Variants in ABCA7 observed in about 807,000 individuals in gnomAD.
ABCA7 encodes ATP binding cassette subfamily A member 7.
ABCA7 carries 261 observed loss-of-function variants against 227.6 expected under a neutral mutation model. The observed-to-expected ratio is 1.15, with a 90% CI of 1.04 to 1.27. The LOEUF (loss-of-function observed/expected upper bound fraction) is 1.27, where lower values mean the gene tolerates loss of function less well. Among genes scored for constraint, ABCA7 ranks in the 50% most tolerant of loss-of-function variants. ABCA7 has a pLI of 0.00. For missense variants in ABCA7, 3,331 were observed against 2,924.5 expected (o/e 1.14, Z -3.21); for synonymous variants, 1,488 against 1,279.7 (o/e 1.16, Z -3.47).
chr19:1,049,472 C>CGGA (rs1555688306), intron 18 of ABCA7, 35 bp downstream of exon 18: 3 of 787,084 alleles, frequency 3.8e-6, no homozygotes, highest in African/African-American at 3.5e-5. Flanking sequence ...CGTGAGCCCC[C>CGGA]CCACTCCCAC....
intron 40 of ABCA7, among the ~76,000 whole-genome samples, chr19:1,061,062 C>G (rs138760085): frequency 6.6e-6 from 1 of 152,110 alleles, no homozygotes; most frequent in Non-Finnish European, 1.5e-5. Context: ...CTAGCTCCCC[C>G]GGGGCCCCAC....
rs780630099 is a variant in ABCA7 at position 1,058,637 on chromosome 19, A to C, written c.5169A>C (p.Ser1723=). The C allele has an allele frequency of 6.2e-7, 1 of 1,613,664 alleles. No homozygotes were observed. Among genetic ancestry groups the C allele is most frequent in the Non-Finnish European group, 8.5e-7 (1 of 1,179,956 alleles). Residue 1723 remains serine, a synonymous_variant, in exon 38 of 47, where the codon TCA becomes TCC. Transcript: ENST00000263094. ...FERLGDRQFQ[S]PLRWEVVGKN... ...CCACAGGAGACAGGCAGTTCCAGTCACCCCTGCGCTGGGAGGTGGTCGGCA... is the reference window on the plus strand; with the variant it reads ...CCACAGGAGACAGGCAGTTCCAGTCCCCCCTGCGCTGGGAGGTGGTCGGCA...
intron 40 of ABCA7, among the ~76,000 whole-genome samples, chr19:1,061,415 G>A (rs529250264): frequency 0.011 from 1,393 of 131,376 alleles, 26 homozygotes; most frequent in African/African-American, 0.051. Flanking sequence ...AAAAAAAAGA[G>A]GCTGGGTGCC....
chr19:1,047,753 G>A, intron 16 of ABCA7, 99 bp downstream of exon 16: 2 of 1,315,032 alleles, frequency 1.5e-6, no homozygotes, highest in Non-Finnish European at 2.0e-6. Flanking sequence ...GTGGGGGGTG[G>A]CTTATTCCCT....
intron 16 of ABCA7, among the ~76,000 whole-genome samples, 182 bp downstream of exon 16, chr19:1,047,836 G>A (rs980934755): frequency 1.3e-5 from 2 of 152,208 alleles, no homozygotes; most frequent in Non-Finnish European, 2.9e-5. Context: ...TGAGGCAGGT[G>A]GGCGGGGTTT....
At position 1,047,337 on chromosome 19, in the gene ABCA7, G is replaced by A. The variant is rs59851484; in HGVS notation, c.2026G>A (p.Ala676Thr). 6.1e-3 allele frequency: 9,764 copies of A among 1,589,686 alleles called. 560 individuals are homozygous for A. The African/African-American group carries it at 0.12, about 19-fold the overall frequency. Residue 676 changes from alanine to threonine, a missense_variant, in exon 15 of 47, where the codon GCT becomes ACT. Coordinates refer to ENST00000263094, the MANE Select transcript of ABCA7 (RefSeq NM_019112.4). ...SLYLPYVLCV[A>T]WRDRLPAGGR... ...CTACCTGCCCTACGTGCTGTGTGTG[G>A]CTTGGCGGGACCGGCTGCCCGCGGG...
Position 1,055,748 on chromosome 19 carries a change from C to T in ABCA7, c.4206-159C>T, listed in dbSNP as rs894239767. ...AACTCCTGACCTCAGGTGATCCACC[C>T]GCCTTGGCCTCCCAAAGTGTTGGGA... On this transcript the variant is annotated intron_variant, in intron 30 of 46. Transcript: ENST00000263094. Among the ~76,000 whole-genome samples, 69 of 152,118 alleles carry T rather than the reference C, an allele frequency of 4.5e-4. 1 individual carries two copies. The highest frequency in any genetic ancestry group is 5.9e-5 in the Non-Finnish European group (4 of 68,014).
intron 40 of ABCA7, among the ~76,000 whole-genome samples, chr19:1,059,720 C>T (rs1299742421): frequency 6.6e-6 from 1 of 151,846 alleles, no homozygotes; most frequent in East Asian, 1.9e-4. Flanking sequence ...CCTGCCATCA[C>T]GCCTGGCTAA....
In ABCA7 at chr19:1,064,179, G is replaced by A. The variant is rs755819809; in HGVS notation, c.5970G>A (p.Ala1990=). ...LTSHSMEECE[A]LCSRLAIMVN... ...CCGACAGCATGGAGGAGTGTGAAGC[G>A]CTCTGCTCGCGCCTGGCCATCATGG... The change falls in exon 45 of 47, where the codon GCG becomes GCA. Residue 1990 remains alanine (A), a synonymous_variant. Coordinates refer to ENST00000263094, the MANE Select transcript of ABCA7 (RefSeq NM_019112.4). 2 of 1,575,946 alleles carry A rather than the reference G, an allele frequency of 1.3e-6. No homozygotes were observed. Among genetic ancestry groups the A allele is most frequent in the Non-Finnish European group, 1.7e-6 (2 of 1,162,556 alleles).
chr19:1,063,519 T>G (rs1179960631), intron 42 of ABCA7, 25 bp from the exon 43 acceptor site: 1 of 1,607,690 alleles, frequency 6.2e-7, no homozygotes, highest in African/African-American at 1.3e-5. Flanking sequence ...TGAGTCCCCA[T>G]GCCTACTCTG....
At position 1,044,709 on chromosome 19, in the gene ABCA7, G is replaced by C. The variant is rs781692277; in HGVS notation, c.1180G>C (p.Gly394Arg). The change falls in exon 11 of 47, where the codon GGG becomes CGG. Residue 394 changes from glycine to arginine, a missense_variant. Coordinates refer to ENST00000263094, the MANE Select transcript of ABCA7 (RefSeq NM_019112.4). ...YSWQDAHADV[G>R]HLVGTLGRVT... ...CTGGCAGGACGCACACGCTGATGTG[G>C]GGCACCTGGTGGGCACGCTGGGCCG... 2.5e-6 allele frequency: 4 copies of C among 1,611,150 alleles called. No individual in the cohort carries two copies. The highest frequency in any genetic ancestry group is 3.4e-6 in the Non-Finnish European group (4 of 1,179,802).
chr19:1,045,221 A>T lies in ABCA7; in HGVS notation c.1435A>T (p.Ile479Phe), dbSNP rs376748461. ...TGACGTGGTCACGAGGACCAATAAG[A>T]TCAGGGACAGGTCAGGCGAGGGAGG... is the stretch of plus-strand genomic sequence containing the variant. ...DIDVVTRTNK[I>F]RDRFWDPGPA... The change falls in exon 12 of 47, where the codon ATC becomes TTC. Residue 479 changes from isoleucine (I) to phenylalanine (F), a missense_variant. Coordinates refer to ENST00000263094, the MANE Select transcript of ABCA7 (RefSeq NM_019112.4). The T allele has an allele frequency of 6.8e-5, 109 of 1,594,186 alleles. No individual in the cohort carries two copies. The highest frequency in any genetic ancestry group is 9.1e-5 in the Non-Finnish European group (106 of 1,166,840).
chr19:1,046,932 G>T lies in ABCA7; in HGVS notation c.1753G>T (p.Gly585Trp). The part of the protein sequence containing the change: ...TRLRDTMRAM[G>W]LSRAVLWLGW... ...GCTGCGGGACACCATGCGCGCCATG[G>T]GGCTCAGCCGCGCGGTGCTCTGGCT... is the stretch of plus-strand genomic sequence containing the variant. The change falls in exon 14 of 47, where the codon GGG becomes TGG. Residue 585 changes from glycine to tryptophan, a missense_variant. Coordinates refer to ENST00000263094, the MANE Select transcript of ABCA7 (RefSeq NM_019112.4). The T allele has an allele frequency of 1.9e-6, 3 of 1,563,120 alleles. No homozygotes were observed. The highest frequency in any genetic ancestry group is 2.3e-5 in the East Asian group (1 of 43,166).
intron 10 of ABCA7, 131 bp from the exon 11 acceptor site, chr19:1,044,446 C>T (rs899360475): frequency 7.6e-5 from 81 of 1,062,834 alleles, no homozygotes; most frequent in South Asian, 4.6e-4. Flanking sequence ...TGGGCTTTCA[C>T]CATGTTGGCC....
chr19:1,062,281 C>A lies in ABCA7; in HGVS notation c.5680C>A (p.Leu1894Met), dbSNP rs369782235. ...GREHLELLARLRGVPEAQVAQ... is the reference protein window; with the variant it reads ...GREHLELLARMRGVPEAQVAQ... Reference sequence around the variant, plus strand: ...CGAGCACCTGGAGCTGCTTGCGCGCCTGCGCGGTGTCCCGGAGGCCCAGGT... The same window carrying A: ...CGAGCACCTGGAGCTGCTTGCGCGCATGCGCGGTGTCCCGGAGGCCCAGGT... The change falls in exon 42 of 47, where the codon CTG becomes ATG. Residue 1894 changes from leucine to methionine, a missense_variant. Transcript: ENST00000263094. The A allele has an allele frequency of 6.2e-7, 1 of 1,608,926 alleles. No individual in the cohort carries two copies. Among genetic ancestry groups the A allele is most frequent in the African/African-American group, 1.3e-5 (1 of 74,888 alleles).
rs750150741 is a variant in ABCA7 at position 1,041,575 on chromosome 19, C to G, written c.132C>G (p.His44Gln). Residue 44 changes from histidine to glutamine, a missense_variant, in exon 3 of 47, where the codon CAC (histidine) becomes CAG (glutamine). By Grantham distance (24) the His-to-Gln change is conservative (BLOSUM62 0). Coordinates refer to ENST00000263094, the MANE Select transcript of ABCA7 (RefSeq NM_019112.4). The part of the protein sequence containing the change: ...FLFFILVAVR[H>Q]SHPPLEHHEC... Reference sequence around the variant, plus strand: ...TCTTCATCCTGGTGGCTGTTCGCCACTCCCACCCGCCCCTGGAGCACCATG... The same window carrying G: ...TCTTCATCCTGGTGGCTGTTCGCCAGTCCCACCCGCCCCTGGAGCACCATG... 1 of 1,612,760 alleles carries G rather than the reference C, an allele frequency of 6.2e-7. No homozygotes were observed. Among genetic ancestry groups the G allele is most frequent in the South Asian group, 1.1e-5 (1 of 91,082 alleles).
At chr19:1,048,496 C>CAAAAAAAAAAAA (rs1234415864) in intron 16 of ABCA7, among the ~76,000 whole-genome samples, 10 of 21,628 alleles carry the variant, frequency 4.6e-4, no homozygotes, top group African/African-American at 1.7e-3. Flanking sequence ...AACTCAGTCT[C>CAAAAAAAAAAAA]AAAAAAAAAA....
chr19:1,055,048 C>A, intron 29 of ABCA7, 49 bp from the exon 30 acceptor site: 1 of 1,565,236 alleles, frequency 6.4e-7, no homozygotes, highest in Non-Finnish European at 8.7e-7. Context: ...CACAGACCTT[C>A]ACCTTGACCC....
chr19:1,043,175 C>T lies in ABCA7; in HGVS notation c.714C>T (p.Leu238=), dbSNP rs1469111443. The T allele has an allele frequency of 4.3e-6, 7 of 1,611,146 alleles. No individual in the cohort carries two copies. The highest frequency in any genetic ancestry group is 1.7e-4 in the Middle Eastern group (1 of 6,060). The change falls in exon 8 of 47, where the codon CTC becomes CTT. Residue 238 remains leucine, a synonymous_variant. Transcript: ENST00000263094. Reference sequence around the variant, plus strand: ...CTAGCAGCACAGTGGGCCCCTCCCTCAACTGGTACGAGGCTAGTGACCTGA... The same window carrying T: ...CTAGCAGCACAGTGGGCCCCTCCCTTAACTGGTACGAGGCTAGTGACCTGA... ...RGPSSTVGPS[L]NWYEASDLME...
Sources: allele counts gnomAD v4.1 joint callset (sites outside exome capture counted in the v4.1 genomes callset), GRCh38; gene constraint gnomAD v4.1.1; transcripts MANE v1.5; gene names NCBI Gene and HGNC (gene_info 2026-07-23, HGNC 2026-07-21).